Variants in RNF125 observed in about 807,000 individuals in gnomAD.
RNF125 encodes ring finger protein 125, also known as E3 ubiquitin-protein ligase RNF125.
In RNF125, 21 loss-of-function variants were observed where a neutral mutation model predicts 26.0. The observed-to-expected ratio is 0.81, with a 90% CI of 0.57 to 1.16. The LOEUF (loss-of-function observed/expected upper bound fraction) is 1.16, where lower values mean the gene tolerates loss of function less well. Among genes scored for constraint, RNF125 ranks in the 50% most tolerant of loss-of-function variants. The pLI is 0.00. For missense variants in RNF125, 270 were observed against 299.4 expected (o/e 0.90, Z 0.72); for synonymous variants, 95 against 109.2 (o/e 0.87, Z 0.81).
chr18:32,041,492 CTT>C (rs917696133), intron 2 of RNF125, among the ~76,000 whole-genome samples: 3 of 151,864 alleles, frequency 2.0e-5, no homozygotes, highest in Admixed American at 6.6e-5. Flanking sequence ...TTTCTTCTCT[CTT>C]GTGCTCTTTT....
At position 32,070,643 on chromosome 18, in the gene RNF125, C is replaced by T. The variant is rs2039525682; in HGVS notation, c.*2259C>T. ...CAGAATAACAATAGAAATACAACCA[C>T]AAATAATATGGCAATTGAAACAATT... On this transcript the variant is annotated 3_prime_UTR_variant, in exon 6 of 6. Transcript: ENST00000217740. 1 of 152,146 alleles carries T rather than the reference C, an allele frequency of 6.6e-6. No homozygotes were observed. The highest frequency in any genetic ancestry group is 1.5e-5 in the Non-Finnish European group (1 of 68,038). 9.4% of individuals were successfully genotyped at this position (152,146 alleles called of 1,614,324 possible).
chr18:32,075,137 T>C (rs551826502), downstream of RNF125, among the ~76,000 whole-genome samples: 1 of 152,332 alleles, frequency 6.6e-6, no homozygotes, highest in African/African-American at 2.4e-5. Flanking sequence ...CAGGAAGTCA[T>C]TGATATGTAT....
At chr18:32,083,297 C>T in the RNF125 span, among the ~76,000 whole-genome samples, 1 of 152,118 alleles carries the variant, frequency 6.6e-6, no homozygotes, top group Non-Finnish European at 1.5e-5. Flanking sequence ...AATCATTTGG[C>T]AATACTGAAC....
intron 5 of RNF125, among the ~76,000 whole-genome samples, chr18:32,067,920 G>T (rs1005172532): frequency 1.3e-5 from 2 of 152,292 alleles, no homozygotes; most frequent in Middle Eastern, 3.4e-3. Context: ...CCATTCAGTG[G>T]TACTGCTGGC....
chr18:32,073,969 G>A (rs2039552844), downstream of RNF125, among the ~76,000 whole-genome samples: 1 of 152,200 alleles, frequency 6.6e-6, no homozygotes, highest in Admixed American at 6.5e-5. Flanking sequence ...AAAGATTTCA[G>A]CAAAGACAAT....
At chr18:32,077,635 A>G (rs1029205720), downstream of RNF125, among the ~76,000 whole-genome samples, 1 of 152,150 alleles carries the variant, frequency 6.6e-6, no homozygotes, top group African/African-American at 2.4e-5. Context: ...TGCTGGGATT[A>G]CAGGTGTGAG....
chr18:32,062,951 G>T (rs1245210831), intron 4 of RNF125, among the ~76,000 whole-genome samples: 3 of 152,002 alleles, frequency 2.0e-5, no homozygotes, highest in African/African-American at 7.3e-5. Flanking sequence ...CGGGTGGGGT[G>T]GCTCATGCTT....
At chr18:32,053,496 C>T (rs1347410227) in intron 4 of RNF125, among the ~76,000 whole-genome samples, 2 of 152,000 alleles carry the variant, frequency 1.3e-5, no homozygotes, top group Admixed American at 6.6e-5. Context: ...TAGGCCAACT[C>T]TTCAGGCATA....
chr18:32,050,877 T>C (rs1327655632), intron 4 of RNF125, among the ~76,000 whole-genome samples: 29 of 118,426 alleles, frequency 2.4e-4, no homozygotes, highest in African/African-American at 8.0e-4. Flanking sequence ...TTTTTTTTTT[T>C]TTTTTTTTTT....
At chr18:32,074,834 C>T (rs1301149442), downstream of RNF125, among the ~76,000 whole-genome samples, 4 of 152,154 alleles carry the variant, frequency 2.6e-5, no homozygotes, top group East Asian at 1.9e-4. Context: ...TGAGCCACCA[C>T]GCCTGGCCCT....
chr18:32,028,326 T>TGG (rs1394763091), intron 1 of RNF125, among the ~76,000 whole-genome samples: 1 of 123,772 alleles, frequency 8.1e-6, no homozygotes, highest in Non-Finnish European at 1.7e-5. Flanking sequence ...AAAAAAAAAA[T>TGG]AATAGGTAGT....
intron 1 of RNF125, among the ~76,000 whole-genome samples, chr18:32,033,237 CTG>C (rs923342881): frequency 5.3e-5 from 8 of 152,162 alleles, no homozygotes; most frequent in African/African-American, 1.9e-4. Flanking sequence ...TACCACAAGG[CTG>C]TTGTGCCAAG....
At chr18:32,046,404 G>C (rs1393681674) in intron 4 of RNF125, among the ~76,000 whole-genome samples, 2 of 151,634 alleles carry the variant, frequency 1.3e-5, no homozygotes, top group Non-Finnish European at 1.5e-5. Flanking sequence ...AGACCATCCT[G>C]GCTAACACAG....
intron 1 of RNF125, among the ~76,000 whole-genome samples, chr18:32,030,376 T>A (rs1276452980): frequency 2.0e-5 from 3 of 152,214 alleles, no homozygotes; most frequent in Non-Finnish European, 4.4e-5. Context: ...AATGAAACTC[T>A]GTTTAGGATA....
chr18:32,043,244 C>G (rs1227881513), intron 3 of RNF125, among the ~76,000 whole-genome samples: 9 of 152,210 alleles, frequency 5.9e-5, no homozygotes, highest in Non-Finnish European at 1.0e-4. Flanking sequence ...TCTGCCCCTA[C>G]TAACCAAATA....
intron 1 of RNF125, among the ~76,000 whole-genome samples, chr18:32,027,132 T>C (rs2039044234): frequency 6.6e-6 from 1 of 152,244 alleles, no homozygotes; most frequent in Non-Finnish European, 1.5e-5. Context: ...TTAAAGGATT[T>C]ACATCTCCTG....
chr18:32,044,256 C>T (rs548811683), intron 3 of RNF125, among the ~76,000 whole-genome samples: 4 of 152,246 alleles, frequency 2.6e-5, no homozygotes, highest in Admixed American at 6.5e-5. Flanking sequence ...CCACCCGTCT[C>T]GGCCTCCCAG....
chr18:32,056,509 G>A (rs1014001540), intron 4 of RNF125, among the ~76,000 whole-genome samples: 13 of 151,626 alleles, frequency 8.6e-5, no homozygotes, highest in African/African-American at 2.9e-4. Context: ...CCAGCTACTC[G>A]GGAGGCTGAG....
In RNF125 at chr18:32,064,335, T is replaced by TCACA. The variant is rs112779322; in HGVS notation, c.505-1557_505-1554dup. ...CGGGGACAAATTTCCAAACTATATC[T>TCACA]CACACACACACACTGAAAAATATGA... On this transcript the variant is annotated intron_variant, in intron 4 of 5. Coordinates refer to ENST00000217740, the MANE Select transcript of RNF125 (RefSeq NM_017831.4). 7.8e-4 allele frequency among the ~76,000 whole-genome samples: 113 copies of TCACA among 145,764 alleles called. 1 individual carries two copies. Among genetic ancestry groups the TCACA allele is most frequent in the African/African-American group, 1.5e-3 (60 of 39,702 alleles).
Sources: gnomAD v4.1 joint callset for allele counts (sites outside exome capture counted in the v4.1 genomes callset) on GRCh38, gnomAD v4.1.1 for gene constraint, MANE v1.5 for transcripts, NCBI Gene and HGNC (gene_info 2026-07-23, HGNC 2026-07-21) for gene names.